The following KLHL6 variants were observed in gnomAD, a reference collection of about 807,000 sequenced individuals.
KLHL6 encodes the protein kelch like family member 6, also known as kelch-like protein 6.
In KLHL6, 41 loss-of-function variants were observed where a neutral mutation model predicts 58.6. The ratio of observed to expected loss-of-function variants is 0.70; its 90% confidence interval spans 0.55 to 0.91. The LOEUF (loss-of-function observed/expected upper bound fraction) is 0.91, where lower values mean the gene tolerates loss of function less well. KLHL6 is among the 40% of genes least tolerant of loss of function. The probability of loss-of-function intolerance (pLI) is 0.00; values close to 1 mark genes in which losing one functional copy is unlikely to be tolerated. For synonymous variants in KLHL6, 338 were observed against 322.7 expected (o/e 1.05, Z -0.51); for missense variants, 714 against 805.6 (o/e 0.89, Z 1.38).
At chr3:183,526,714 T>G (rs749015444) in intron 2 of KLHL6, among the ~76,000 whole-genome samples, 45 of 152,002 alleles carry the variant, frequency 3.0e-4, no homozygotes, top group Non-Finnish European at 5.4e-4. Flanking sequence ...AACTAACATC[T>G]CTATGGAAGT....
In KLHL6 at chr3:183,555,406, A is replaced by G. The variant is rs781572996; in HGVS notation, c.248T>C (p.Phe83Ser). The change falls in exon 1 of 7, where the codon TTC becomes TCC. Residue 83 changes from phenylalanine (F) to serine (S), a missense_variant. Physicochemically the swap from Phe to Ser is radical, Grantham distance 155. This residue lies in a region of KLHL6 where 204 missense variants were observed against 175.9 expected (regional missense o/e 1.16). Transcript: ENST00000341319. ...GGCAAGCACCACGCGGTGGCAGGAG[A>G]ATTCCTGAATGTCCACACACAAGAT... ...DVILCVDIQE[F>S]SCHRVVLAAA... is the part of the protein sequence containing the mutation. The G allele has an allele frequency of 6.2e-7, 1 of 1,614,102 alleles. No individual in the cohort carries two copies. The highest frequency in any genetic ancestry group is 8.5e-7 in the Non-Finnish European group (1 of 1,180,008).
chr3:183,496,340 A>C (rs924371621), intron 4 of KLHL6, among the ~76,000 whole-genome samples: 1 of 152,222 alleles, frequency 6.6e-6, no homozygotes, highest in Non-Finnish European at 1.5e-5. Flanking sequence ...ACTAATAATA[A>C]AAATCGTTAG....
intron 3 of KLHL6, among the ~76,000 whole-genome samples, chr3:183,507,537 T>C (rs1287663371): frequency 1.3e-5 from 2 of 152,274 alleles, no homozygotes; most frequent in Non-Finnish European, 2.9e-5. Context: ...GTTCAAGTGA[T>C]CTTCCTGCCT....
intron 2 of KLHL6, among the ~76,000 whole-genome samples, chr3:183,523,652 A>G (rs1004944027): frequency 1.3e-5 from 2 of 151,862 alleles, no homozygotes; most frequent in African/African-American, 4.8e-5. Flanking sequence ...ATAAGCTCCC[A>G]ATCCCTTACT....
At chr3:183,510,974 C>T (rs148240689) in intron 2 of KLHL6, among the ~76,000 whole-genome samples, 2,089 of 152,074 alleles carry the variant, frequency 0.014, 52 homozygotes, top group African/African-American at 0.048. Context: ...TCAGGTGGGA[C>T]GAGAGACTGA....
chr3:183,534,223 A>G (rs1026708221), intron 1 of KLHL6, among the ~76,000 whole-genome samples: 1 of 150,430 alleles, frequency 6.6e-6, no homozygotes, highest in African/African-American at 2.5e-5. Context: ...TGATTTTATA[A>G]AGAATCTGCT....
At chr3:183,504,486 T>A (rs1044808859) in intron 3 of KLHL6, among the ~76,000 whole-genome samples, 6 of 152,200 alleles carry the variant, frequency 3.9e-5, no homozygotes, top group Non-Finnish European at 7.3e-5. Flanking sequence ...TGTCTGACTC[T>A]GCCCCCAGCA....
chr3:183,547,200 A>T (rs1712753372), intron 1 of KLHL6, among the ~76,000 whole-genome samples: 1 of 152,222 alleles, frequency 6.6e-6, no homozygotes, highest in African/African-American at 2.4e-5. Flanking sequence ...GGAGTAAGCC[A>T]CTGCACCCGA....
rs756839555 is a variant in KLHL6 at position 183,491,948 on chromosome 3, C to A, written c.1845G>T (p.Val615=). The A allele has an allele frequency of 6.6e-7, 1 of 1,519,516 alleles. No individual in the cohort carries two copies. The highest frequency in any genetic ancestry group is 8.8e-7 in the Non-Finnish European group (1 of 1,131,230). 94.1% of individuals were successfully genotyped at this position (1,519,516 alleles called of 1,614,324 possible). Reference sequence around the variant, plus strand: ...GCCGTCAGACAGACACTGCTCCGGGCACGATCCTGCGGATGTGGGTGTACG... The same window carrying A: ...GCCGTCAGACAGACACTGCTCCGGGAACGATCCTGCGGATGTGGGTGTACG... ...RKSYTHIRRI[V]PGAVSV Residue 615 remains valine, a synonymous_variant, in exon 7 of 7, where the codon GTG becomes GTT. Coordinates refer to ENST00000341319, the MANE Select transcript of KLHL6 (RefSeq NM_130446.4).
chr3:183,510,078 C>CCCTGTAAATATAATGG (rs2108675694), intron 2 of KLHL6, among the ~76,000 whole-genome samples: 1 of 152,242 alleles, frequency 6.6e-6, no homozygotes, highest in East Asian at 1.9e-4. Context: ...GATGACAAAG[C>CCCTGTAAATATAATGG]ACTGTTATAT....
chr3:183,507,247 T>TG (rs1016795065), intron 3 of KLHL6, among the ~76,000 whole-genome samples: 56 of 152,148 alleles, frequency 3.7e-4, no homozygotes, highest in African/African-American at 1.3e-3. Flanking sequence ...AGGCCAGACT[T>TG]GGGGGAGGAA....
chr3:183,518,933 G>A (rs779211083), intron 2 of KLHL6, among the ~76,000 whole-genome samples: 3 of 152,160 alleles, frequency 2.0e-5, no homozygotes, highest in Non-Finnish European at 4.4e-5. Context: ...GTGGGTTCCC[G>A]AGATGATGCC....
At position 183,488,112 on chromosome 3, in the gene KLHL6, T is replaced by C. The variant is rs577120234; in HGVS notation, c.*3815A>G. ...TTTCCCGAAGCCATTGAGACCAGAATAGATGAAAGCTAAGACGAGAACATG... is the reference window on the plus strand; with the variant it reads ...TTTCCCGAAGCCATTGAGACCAGAACAGATGAAAGCTAAGACGAGAACATG... On this transcript the variant is annotated 3_prime_UTR_variant, in exon 7 of 7. Transcript: ENST00000341319. The C allele has an allele frequency of 2.0e-5, 3 of 152,314 alleles. No individual in the cohort carries two copies. Among genetic ancestry groups the C allele is most frequent in the Non-Finnish European group, 2.9e-5 (2 of 68,032 alleles). 9.4% of individuals were successfully genotyped at this position (152,314 alleles called of 1,614,324 possible).
intron 1 of KLHL6, among the ~76,000 whole-genome samples, chr3:183,538,562 T>A (rs1018378796): frequency 2.0e-5 from 3 of 152,330 alleles, no homozygotes; most frequent in Admixed American, 1.3e-4. Flanking sequence ...TACAATCAGT[T>A]TAAAAGTTTT....
At chr3:183,545,361 A>G (rs1191216571) in intron 1 of KLHL6, among the ~76,000 whole-genome samples, 2 of 152,240 alleles carry the variant, frequency 1.3e-5, no homozygotes, top group Non-Finnish European at 2.9e-5. Flanking sequence ...TTACCATGTT[A>G]GACCCTTGTC....
At chr3:183,493,721 GAGA>G (rs1009684903) in intron 5 of KLHL6, 22 of 279,940 alleles carry the variant, frequency 7.9e-5, no homozygotes, top group South Asian at 1.5e-4. Flanking sequence ...GTCCAGTGTG[GAGA>G]AGAATAGGAG....
chr3:183,512,282 T>C (rs933573076), intron 2 of KLHL6, among the ~76,000 whole-genome samples: 2 of 152,146 alleles, frequency 1.3e-5, no homozygotes, highest in Non-Finnish European at 1.5e-5. Context: ...TAAGTAGATA[T>C]TTCTAGGAAC....
At chr3:183,548,581 C>T (rs758076777) in intron 1 of KLHL6, among the ~76,000 whole-genome samples, 1 of 152,146 alleles carries the variant, frequency 6.6e-6, no homozygotes, top group Non-Finnish European at 1.5e-5. Context: ...GGCATAAGGC[C>T]AGGAATGGGA....
At chr3:183,546,486 GCAGCAGGGAAGTC>G (rs574262153) in intron 1 of KLHL6, among the ~76,000 whole-genome samples, 2 of 152,304 alleles carry the variant, frequency 1.3e-5, no homozygotes, top group African/African-American at 4.8e-5. Context: ...GCATTGTACA[GCAGCAGGGAAGTC>G]CTCCCCACAG....
Sources: allele counts gnomAD v4.1 joint callset (sites outside exome capture counted in the v4.1 genomes callset), GRCh38; gene constraint gnomAD v4.1.1; regional missense constraint gnomAD v4.1.1; transcripts MANE v1.5; gene names NCBI Gene and HGNC (gene_info 2026-07-23, HGNC 2026-07-21).